The following SOD2 variants were observed in gnomAD, a reference collection of about 807,000 sequenced individuals.
SOD2 encodes superoxide dismutase 2.
Under a neutral mutation model 27.0 loss-of-function variants are expected in SOD2, and 11 were observed. The observed-to-expected ratio is 0.41, with a 90% CI of 0.26 to 0.67. The LOEUF (loss-of-function observed/expected upper bound fraction) is 0.67. SOD2 is among the 30% of genes least tolerant of loss of function. The pLI, the probability that SOD2 is intolerant of heterozygous loss-of-function variation, is 0.34. For synonymous variants in SOD2, 105 were observed against 103.0 expected, an observed-to-expected ratio of 1.02 and a Z score of -0.12; for missense variants, 250 against 274.5, an observed-to-expected ratio of 0.91 and a Z score of 0.63.
intron 1 of SOD2, among the ~76,000 whole-genome samples, chr6:159,733,455 A>C (rs1778711869): frequency 1.6e-5 from 1 of 61,666 alleles, no homozygotes; most frequent in African/African-American, 5.3e-5. Flanking sequence ...TGTCTCTACC[A>C]AAAAAAATTA....
chr6:159,757,751 A>T lies in SOD2; in HGVS notation c.-336+3286T>A, dbSNP rs988492180. 2.0e-5 allele frequency among the ~76,000 whole-genome samples: 3 copies of T among 152,144 alleles called. No individual in the cohort carries two copies. In the South Asian group the frequency reaches 6.2e-4, roughly 31 times the overall value. ...TACAGTCTGCTCAAGTGAGTAAAAA[A>T]TCCTATACGATTTTTAATTTGCATG... On this transcript the variant is annotated intron_variant, in intron 1 of 7. Transcript: ENST00000546087.
At chr6:159,687,859 A>T (rs1193374435) in intron 3 of SOD2, among the ~76,000 whole-genome samples, 1 of 151,964 alleles carries the variant, frequency 6.6e-6, no homozygotes, top group Non-Finnish European at 1.5e-5. Flanking sequence ...AAAAATGCAA[A>T]AATTAGCCAG....
At chr6:159,742,265 T>C in intron 1 of SOD2, 2 of 786,614 alleles carry the variant, frequency 2.5e-6, no homozygotes, top group Non-Finnish European at 4.0e-6. Flanking sequence ...TTATAAGAAC[T>C]GTACATAGGC....
intron 1 of SOD2, among the ~76,000 whole-genome samples, chr6:159,724,506 A>G (rs887687900): frequency 6.6e-6 from 1 of 152,202 alleles, no homozygotes; most frequent in Non-Finnish European, 1.5e-5. Flanking sequence ...CTTGAACAAC[A>G]CTGGTTTGGA....
chr6:159,730,559 T>C (rs1051287575), upstream of SOD2, among the ~76,000 whole-genome samples: 57 of 152,250 alleles, frequency 3.7e-4, no homozygotes, highest in African/African-American at 1.4e-3. Context: ...TGTAGACAGT[T>C]GTAAATTTTG....
chr6:159,728,380 A>T (rs1181209445), upstream of SOD2, among the ~76,000 whole-genome samples: 2 of 152,202 alleles, frequency 1.3e-5, no homozygotes, highest in Non-Finnish European at 2.9e-5. Flanking sequence ...TTAGCTTAAC[A>T]TTATCAAGGA....
At chr6:159,724,167 T>A (rs926911588) in intron 1 of SOD2, among the ~76,000 whole-genome samples, 2 of 152,098 alleles carry the variant, frequency 1.3e-5, no homozygotes, top group African/African-American at 2.4e-5. Flanking sequence ...TTAAATTTTT[T>A]AAAAAATGGA....
chr6:159,736,181 AAG>A (rs1778901658), intron 1 of SOD2: 1 of 1,370,484 alleles, frequency 7.3e-7, no homozygotes, highest in South Asian at 1.3e-5. Context: ...ATTGATTTGA[AAG>A]AGTCAGTATT....
chr6:159,720,560 C>T (rs2842966), intron 1 of SOD2: 116,499 of 152,536 alleles, frequency 0.76, 44,895 homozygotes, highest in South Asian at 0.85. Flanking sequence ...ACTTTCATCA[C>T]GCGTTGATAT....
chr6:159,750,897 C>T (rs909561634), intron 1 of SOD2, among the ~76,000 whole-genome samples: 34 of 152,220 alleles, frequency 2.2e-4, no homozygotes, highest in African/African-American at 4.8e-4. Flanking sequence ...GTTGCGTGCA[C>T]GCGCACGCAC....
rs1777658450 is a variant in SOD2, at chr6:159,707,896, AGC to A, written c.-115-15035_-115-15034del. ...AAAATCCTGGCAAACTGAATCCAGCAGCACATCCAAAAGTTTATCCACCGTGA... is the reference window on the plus strand; with the variant it reads ...AAAATCCTGGCAAACTGAATCCAGCAACATCCAAAAGTTTATCCACCGTGA... On this transcript the variant is annotated intron_variant, in intron 1 of 2. Transcript: ENST00000401980. Among the ~76,000 whole-genome samples, 4 of 152,354 alleles carry A rather than the reference AGC, an allele frequency of 2.6e-5. No individual in the cohort carries two copies. In the South Asian group the frequency reaches 8.3e-4, roughly 32 times the overall value.
In SOD2 at chr6:159,671,805, G is replaced by A. The variant is rs1779670698; in HGVS notation, c.*10688C>T. 6.6e-6 allele frequency: 1 copy of A among 152,164 alleles called. No individual in the cohort carries two copies. The highest frequency in any genetic ancestry group is 2.4e-5 in the African/African-American group (1 of 41,426). 9.4% of individuals were successfully genotyped at this position (152,164 alleles called of 1,614,324 possible). ...GATCAAACTTCTCCAAGCTAAAAGA[G>A]GAAGTTCGAACCCATCACAAAGAAC... is the stretch of plus-strand genomic sequence containing the variant. On this transcript the variant is annotated 3_prime_UTR_variant, in exon 5 of 5. Transcript: ENST00000538183.
chr6:159,760,606 G>C (rs1392479725), intron 1 of SOD2: 1 of 152,252 alleles, frequency 6.6e-6, no homozygotes, highest in Admixed American at 6.6e-5. Context: ...AAGAGGGTCA[G>C]TCAGCTTAGG....
At chr6:159,726,605 G>C in intron 1 of SOD2, 1 of 380,692 alleles carries the variant, frequency 2.6e-6, no homozygotes, top group Non-Finnish European at 4.9e-6. Context: ...CTTACTTCAG[G>C]GAGTCTACTC....
chr6:159,687,219 C>T (rs1388569922), intron 3 of SOD2, among the ~76,000 whole-genome samples: 1 of 152,168 alleles, frequency 6.6e-6, no homozygotes, highest in African/African-American at 2.4e-5. Context: ...GGCGCGGTGG[C>T]TCACATCCAT....
upstream of SOD2, among the ~76,000 whole-genome samples, chr6:159,697,442 G>T (rs1412852746): frequency 6.6e-6 from 1 of 152,116 alleles, no homozygotes; most frequent in Non-Finnish European, 1.5e-5. Context: ...AAGAGAAAAT[G>T]ATTATAGAGC....
rs1352608699 is a variant in SOD2 at position 159,708,973 on chromosome 6, C to A, written c.-115-16110G>T. Among the ~76,000 whole-genome samples the A allele has an allele frequency of 8.5e-5, 13 of 152,290 alleles. No individual in the cohort carries two copies. The South Asian group carries it at 1.0e-3, about 12-fold the overall frequency. On this transcript the variant is annotated intron_variant, in intron 1 of 2. Transcript: ENST00000401980. Reference sequence around the variant, plus strand: ...CAGAAATAATACCACACATCTACAACTATCTGATCTTTGAGAAACCTGACA... The same window carrying A: ...CAGAAATAATACCACACATCTACAAATATCTGATCTTTGAGAAACCTGACA...
At chr6:159,753,324 G>A (rs1368790836) in intron 1 of SOD2, 2 of 1,244,002 alleles carry the variant, frequency 1.6e-6, no homozygotes, top group Admixed American at 2.2e-5. Context: ...TCCCAGAAAA[G>A]AAGATGGTAA....
intron 2 of SOD2, among the ~76,000 whole-genome samples, chr6:159,690,559 C>G (rs1780411572): frequency 6.6e-6 from 1 of 152,082 alleles, no homozygotes; most frequent in Admixed American, 6.5e-5. Context: ...GAATACACAG[C>G]TAATCTCAAA....
Sources: allele counts gnomAD v4.1 joint callset (sites outside exome capture counted in the v4.1 genomes callset), GRCh38; gene constraint gnomAD v4.1.1; transcripts MANE v1.5; gene names NCBI Gene and HGNC (gene_info 2026-07-23, HGNC 2026-07-21).